Variants in KALRN observed in about 807,000 individuals in gnomAD.
The protein encoded by KALRN is kalirin.
KALRN carries 70 observed loss-of-function variants against 353.7 expected under a neutral mutation model. The ratio of observed to expected loss-of-function variants is 0.20; its 90% CI spans 0.16 to 0.24. The LOEUF is 0.24. Ranked by LOEUF, KALRN falls within the 10% of genes least tolerant of loss-of-function variation. KALRN has a pLI of 1.00. For missense variants in KALRN, 2,791 were observed against 3,756.7 expected (o/e 0.74, Z 6.72); for synonymous variants, 1,391 against 1,434.8 (o/e 0.97, Z 0.69).
chr3:124,412,541 C>A (rs2092252489), intron 13 of KALRN, among the ~76,000 whole-genome samples: 1 of 152,206 alleles, frequency 6.6e-6, no homozygotes, highest in South Asian at 2.1e-4. Flanking sequence ...GTACTTCTGA[C>A]TTCCTAGTCT....
intron 1 of KALRN, among the ~76,000 whole-genome samples, chr3:124,118,437 GT>G (rs1360304834): frequency 6.6e-6 from 1 of 151,804 alleles, no homozygotes; most frequent in Admixed American, 6.6e-5. Flanking sequence ...GGGAGAGAGG[GT>G]TTCTGCAGGA....
chr3:124,122,514 C>T (rs2064143521), intron 1 of KALRN, among the ~76,000 whole-genome samples: 1 of 152,160 alleles, frequency 6.6e-6, no homozygotes, highest in Non-Finnish European at 1.5e-5. Flanking sequence ...CACTGTTTAT[C>T]CAATAGCATG....
At chr3:124,501,662 C>T (rs1479058469) in intron 33 of KALRN, among the ~76,000 whole-genome samples, 2 of 152,154 alleles carry the variant, frequency 1.3e-5, no homozygotes, top group Non-Finnish European at 2.9e-5. Context: ...CTGACAATTT[C>T]ATCACCTGCA....
At chr3:124,438,850 A>T in intron 17 of KALRN, 38 bp from the exon 18 acceptor site, 1 of 1,579,394 alleles carries the variant, frequency 6.3e-7, no homozygotes, top group South Asian at 1.1e-5. Flanking sequence ...ATTCCTGAAT[A>T]ATTAATTTAC....
chr3:124,717,644 C>T (rs536600285), intron 59 of KALRN, among the ~76,000 whole-genome samples: 2 of 151,212 alleles, frequency 1.3e-5, no homozygotes, highest in South Asian at 2.1e-4. Flanking sequence ...TGCAGTGAGC[C>T]GAGATCGCGC....
At chr3:124,368,488 A>G (rs1475663007) in intron 10 of KALRN, among the ~76,000 whole-genome samples, 2 of 148,710 alleles carry the variant, frequency 1.3e-5, no homozygotes, top group Non-Finnish European at 3.0e-5. Context: ...GACGCTCCTC[A>G]CTTCCTAGAT....
At chr3:124,450,954 G>A (rs1178155775) in intron 21 of KALRN, among the ~76,000 whole-genome samples, 1 of 152,054 alleles carries the variant, frequency 6.6e-6, no homozygotes, top group African/African-American at 2.4e-5. Flanking sequence ...ACAATCCCCT[G>A]CTGAATGAAT....
chr3:124,399,962 G>A lies in KALRN; in HGVS notation c.2346+1091G>A, dbSNP rs546135190. On this transcript the variant is annotated intron_variant, in intron 13 of 59. Coordinates refer to ENST00000682506, the MANE Select transcript of KALRN (RefSeq NM_001388419.1). ...GGGATAGCAAAGGGTTAAATTAAAG[G>A]CATGTCTTCTGTTTGCTCCTGGCTG... Among the ~76,000 whole-genome samples the A allele has an allele frequency of 2.6e-5, 4 of 152,210 alleles. No individual in the cohort carries two copies. In the South Asian group the frequency reaches 8.3e-4, roughly 32 times the overall value.
intron 1 of KALRN, among the ~76,000 whole-genome samples, chr3:124,095,457 A>G (rs886785355): frequency 6.6e-6 from 1 of 152,196 alleles, no homozygotes; most frequent in South Asian, 2.1e-4. Context: ...AACATCATAT[A>G]TGGTGCACAC....
chr3:124,645,919 A>G (rs983375308), intron 37 of KALRN, among the ~76,000 whole-genome samples: 9 of 152,070 alleles, frequency 5.9e-5, no homozygotes, highest in African/African-American at 2.2e-4. Flanking sequence ...CATTCCCACC[A>G]ACACGTACCA....
chr3:124,243,023 A>G (rs947946700), intron 3 of KALRN, among the ~76,000 whole-genome samples: 5 of 152,214 alleles, frequency 3.3e-5, no homozygotes, highest in African/African-American at 4.8e-5. Context: ...CTTAATGCCT[A>G]CATTGGTGGG....
chr3:124,187,882 T>C (rs759687959), intron 1 of KALRN, among the ~76,000 whole-genome samples: 2 of 152,156 alleles, frequency 1.3e-5, no homozygotes, highest in African/African-American at 2.4e-5. Context: ...AGCAAAGGAA[T>C]ATTAGGGAAA....
intron 13 of KALRN, among the ~76,000 whole-genome samples, chr3:124,410,646 G>A (rs1245783835): frequency 2.0e-5 from 3 of 152,146 alleles, no homozygotes; most frequent in Non-Finnish European, 4.4e-5. Context: ...TGATGAAATA[G>A]CACTTCACAC....
At chr3:124,440,976 C>T (rs559798028) in intron 18 of KALRN, among the ~76,000 whole-genome samples, 1 of 151,946 alleles carries the variant, frequency 6.6e-6, no homozygotes, top group African/African-American at 2.4e-5. Flanking sequence ...ATGTGATCAG[C>T]CCTCTCTCTG....
intron 1 of KALRN, among the ~76,000 whole-genome samples, chr3:124,150,997 C>T (rs1335584423): frequency 6.6e-6 from 1 of 152,120 alleles, no homozygotes; most frequent in Non-Finnish European, 1.5e-5. Flanking sequence ...CTCTTTTGTT[C>T]AATGTTATGT....
intron 6 of KALRN, among the ~76,000 whole-genome samples, chr3:124,309,576 G>T (rs1477565120): frequency 6.6e-6 from 1 of 151,610 alleles, no homozygotes; most frequent in Non-Finnish European, 1.5e-5. Flanking sequence ...CAAACAAAAA[G>T]AAACAAAATC....
At chr3:124,675,525 T>C (rs1201649097) in intron 49 of KALRN, 31 of 145,688 alleles carry the variant, frequency 2.1e-4, no homozygotes, top group African/African-American at 8.7e-4. Context: ...CTTCTTTTTT[T>C]TTTTTTTTTT....
intron 25 of KALRN, among the ~76,000 whole-genome samples, chr3:124,473,520 A>G (rs1030505633): frequency 6.6e-6 from 1 of 152,192 alleles, no homozygotes. Flanking sequence ...AAAAAGTTGC[A>G]TGTTCTACAT....
At chr3:124,312,203 C>T (rs947254704) in intron 6 of KALRN, among the ~76,000 whole-genome samples, 4 of 152,118 alleles carry the variant, frequency 2.6e-5, no homozygotes, top group Non-Finnish European at 5.9e-5. Flanking sequence ...TCTTGTTGCC[C>T]AGGCCAGAAT....
Sources: gnomAD v4.1 joint callset for allele counts (sites outside exome capture counted in the v4.1 genomes callset) on GRCh38, gnomAD v4.1.1 for gene constraint, MANE v1.5 for transcripts, NCBI Gene and HGNC (gene_info 2026-07-23, HGNC 2026-07-21) for gene names.